DNAH9: variants seen among roughly 807,000 people sequenced by gnomAD.
DNAH9 encodes DNAH9 variant protein.
A neutral mutation model predicts 471.6 loss-of-function variants in DNAH9; 345 were observed. The observed-to-expected ratio is 0.73, with a 90% confidence interval of 0.67 to 0.80. The LOEUF (loss-of-function observed/expected upper bound fraction) is 0.80, where lower values mean the gene tolerates loss of function less well. DNAH9 is among the 30% of genes least tolerant of loss of function. The pLI, the probability that DNAH9 is intolerant of heterozygous loss-of-function variation, is 0.00. For missense variants in DNAH9, 5,407 were observed against 5,609.2 expected (o/e 0.96, Z 1.15); for synonymous variants, 2,093 against 2,123.6 (o/e 0.99, Z 0.40).
intron 22 of DNAH9, among the ~76,000 whole-genome samples, chr17:11,697,256 T>G (rs1022003469): frequency 6.6e-6 from 1 of 152,212 alleles, no homozygotes; most frequent in African/African-American, 2.4e-5. Context: ...ACATCCTAAT[T>G]CCTTCTATAT....
Position 11,744,806 on chromosome 17 carries a change from G to T in DNAH9, c.6121G>T (p.Asp2041Tyr). The T allele has an allele frequency of 6.2e-7, 1 of 1,612,464 alleles. No homozygotes were observed. Among genetic ancestry groups the T allele is most frequent in the Non-Finnish European group, 8.5e-7 (1 of 1,178,876 alleles). ...KELLSKQDHY[D>Y]WGLRAIKSVL... ...CTAACACTGCCCACAGGATCACTAC[G>T]ACTGGGGCCTACGGGCCATCAAGTC... The change falls in exon 31 of 69, where the codon GAC becomes TAC. Residue 2041 changes from aspartate (D) to tyrosine (Y), a missense_variant. Physicochemically the swap from Asp to Tyr is radical, Grantham distance 160. Coordinates refer to ENST00000262442, the MANE Select transcript of DNAH9 (RefSeq NM_001372.4).
chr17:11,680,895 G>A lies in DNAH9; in HGVS notation c.3743+6G>A, dbSNP rs774076044. 3.1e-6 allele frequency: 5 copies of A among 1,604,468 alleles called. No homozygotes were observed. Among genetic ancestry groups the A allele is most frequent in the Non-Finnish European group, 4.3e-6 (5 of 1,175,126 alleles). ...CACAAAGAAGCCCCGTTCAGGTATG[G>A]GCCGAACACTGCTGCCTCTCTTTCT... On this transcript the variant is annotated splice_donor_region_variant and intron_variant, in intron 19 of 68. Coordinates refer to ENST00000262442, the MANE Select transcript of DNAH9 (RefSeq NM_001372.4).
intron 61 of DNAH9, among the ~76,000 whole-genome samples, chr17:11,907,705 G>A (rs1794025335): frequency 6.6e-6 from 1 of 152,096 alleles, no homozygotes; most frequent in African/African-American, 2.4e-5. Flanking sequence ...CCTCAGGGGA[G>A]GAGAGATAAA....
At chr17:11,853,704 G>A (rs1971518343) in intron 49 of DNAH9, among the ~76,000 whole-genome samples, 1 of 152,088 alleles carries the variant, frequency 6.6e-6, no homozygotes, top group Non-Finnish European at 1.5e-5. Flanking sequence ...GAGTATGTCG[G>A]CATCCTTGTA....
Position 11,947,901 on chromosome 17 carries a change from C to CCTCCCGG in DNAH9, c.12843+5423_12843+5429dup, listed in dbSNP as rs568143063. 8.9e-3 allele frequency among the ~76,000 whole-genome samples: 1,339 copies of CCTCCCGG among 149,652 alleles called. 20 individuals are homozygous for CCTCCCGG. Among genetic ancestry groups the CCTCCCGG allele is most frequent in the African/African-American group, 0.031 (1,249 of 40,926 alleles). On this transcript the variant is annotated intron_variant, in intron 67 of 68. Coordinates refer to ENST00000262442, the MANE Select transcript of DNAH9 (RefSeq NM_001372.4). ...GGTTCAAGCGATTCTCCTGCCTCAG[C>CCTCCCGG]CTCCCGGCTCCCGCCAGCACGCCCA... is the stretch of plus-strand genomic sequence containing the variant.
chr17:11,671,282 G>T (rs1392809664), intron 17 of DNAH9, among the ~76,000 whole-genome samples: 1 of 152,210 alleles, frequency 6.6e-6, no homozygotes, highest in Non-Finnish European at 1.5e-5. Flanking sequence ...AAAAAGATAG[G>T]TTATTACTCA....
chr17:11,771,271 G>A (rs1968194695), intron 38 of DNAH9, among the ~76,000 whole-genome samples: 1 of 152,144 alleles, frequency 6.6e-6, no homozygotes, highest in Non-Finnish European at 1.5e-5. Flanking sequence ...TGGGATTACA[G>A]GCACCTGCCA....
At chr17:11,911,565 C>T (rs1460497660) in intron 61 of DNAH9, among the ~76,000 whole-genome samples, 1 of 152,074 alleles carries the variant, frequency 6.6e-6, no homozygotes, top group South Asian at 2.1e-4. Context: ...TTCTTGCTGT[C>T]ATCTTATGTT....
At position 11,598,729 on chromosome 17, in the gene DNAH9, GC is replaced by G; in HGVS notation, c.234del (p.Arg79GlyfsTer55). The G allele has an allele frequency of 7.2e-7, 1 of 1,397,148 alleles. No individual in the cohort carries two copies. The highest frequency in any genetic ancestry group is 9.2e-7 in the Non-Finnish European group (1 of 1,083,444). The allele number at this position is 1,397,148 out of a possible 1,614,324, so 86.5% of individuals were successfully genotyped here. The part of the protein sequence containing the change: ...PRPLLVVRPG[P>X]RGLAIRPGLE... ...GGCCGCTGCTGGTGGTGCGGCCCGG[GC>G]CCAGGGGCCTGGCAATACGCCCCGG... is the stretch of plus-strand genomic sequence containing the variant. On this transcript the variant is annotated frameshift_variant, in exon 1 of 69. Coordinates refer to ENST00000262442, the MANE Select transcript of DNAH9 (RefSeq NM_001372.4). LOFTEE classifies it high-confidence loss of function.
chr17:11,816,449 A>G (rs538136188), intron 45 of DNAH9, among the ~76,000 whole-genome samples: 17 of 152,340 alleles, frequency 1.1e-4, no homozygotes, highest in Admixed American at 8.5e-4. Flanking sequence ...ATGTGCCATT[A>G]AATACTACTA....
intron 56 of DNAH9, 151 bp from the exon 57 acceptor site, chr17:11,886,674 T>C (rs1211286374): frequency 1.1e-6 from 1 of 936,712 alleles, no homozygotes; most frequent in Middle Eastern, 3.6e-4. Context: ...AGGAATACCA[T>C]AGTAGCTTTT....
chr17:11,673,910 A>C (rs554090604), intron 17 of DNAH9, among the ~76,000 whole-genome samples: 14 of 152,324 alleles, frequency 9.2e-5, no homozygotes, highest in African/African-American at 3.1e-4. Context: ...ATGTATATGC[A>C]TACATACATA....
At chr17:11,786,925 A>T (rs1968893685) in intron 41 of DNAH9, among the ~76,000 whole-genome samples, 1 of 152,142 alleles carries the variant, frequency 6.6e-6, no homozygotes, top group South Asian at 2.1e-4. Context: ...AGCTGCTCCA[A>T]GTGTGGAGAA....
chr17:11,660,611 C>T (rs2073743823), intron 14 of DNAH9, among the ~76,000 whole-genome samples: 1 of 152,158 alleles, frequency 6.6e-6, no homozygotes. Context: ...GTGTGAACTA[C>T]CATGCCCAGC....
At chr17:11,817,066 AT>A (rs1032088079) in intron 45 of DNAH9, among the ~76,000 whole-genome samples, 14 of 146,180 alleles carry the variant, frequency 9.6e-5, no homozygotes, top group East Asian at 3.9e-4. Flanking sequence ...AAAAAAAAAA[AT>A]AATAATAATA....
In DNAH9 at chr17:11,822,052, G is replaced by A. The variant is rs1208924565; in HGVS notation, c.8840G>A (p.Arg2947Gln). The A allele has an allele frequency of 9.3e-6, 15 of 1,612,126 alleles. No homozygotes were observed. Among genetic ancestry groups the A allele is most frequent in the Middle Eastern group, 1.7e-4 (1 of 6,060 alleles). Residue 2947 changes from arginine to glutamine, a missense_variant, in exon 46 of 69, where the codon CGA (arginine) becomes CAA (glutamine). This residue lies in a region of DNAH9 where 4,636 missense variants were observed against 4,900.3 expected (regional missense o/e 0.95). Coordinates refer to ENST00000262442, the MANE Select transcript of DNAH9 (RefSeq NM_001372.4). ...CWKFFIDRIR[R>Q]QLKVTLCFSP... ...AAGTTCTTTATAGATCGGATCCGGC[G>A]ACAGCTGAAGGTAAAGAGCATTTAC...
chr17:11,734,126 G>A (rs1458755319), intron 28 of DNAH9, among the ~76,000 whole-genome samples: 9 of 152,118 alleles, frequency 5.9e-5, no homozygotes, highest in South Asian at 2.1e-4. Flanking sequence ...GTAGCCCCAC[G>A]CTATTCAAAC....
intron 50 of DNAH9, among the ~76,000 whole-genome samples, chr17:11,866,747 G>A (rs1232308726): frequency 2.0e-5 from 3 of 152,310 alleles, no homozygotes; most frequent in East Asian, 1.9e-4. Flanking sequence ...CCCCAGCCTC[G>A]CTGCCGCCTT....
intron 32 of DNAH9, among the ~76,000 whole-genome samples, chr17:11,750,950 T>A (rs1392658770): frequency 6.6e-6 from 1 of 152,004 alleles, no homozygotes; most frequent in Non-Finnish European, 1.5e-5. Context: ...ATATAAAAGA[T>A]AAATAAATGT....
Sources: gnomAD v4.1 joint callset for allele counts (sites outside exome capture counted in the v4.1 genomes callset) on GRCh38, gnomAD v4.1.1 for gene constraint, gnomAD v4.1.1 regional missense constraint, MANE v1.5 for transcripts, NCBI Gene and HGNC (gene_info 2026-07-23, HGNC 2026-07-21) for gene names.